Variants in TSTD2 observed in about 807,000 individuals in gnomAD.
TSTD2 encodes thiosulfate sulfurtransferase/rhodanese-like domain-containing protein 2.
A neutral mutation model predicts 47.9 loss-of-function variants in TSTD2; 37 were observed. That is an observed-to-expected ratio of 0.77 (90% CI 0.59 to 1.02). The LOEUF is 1.02. Ranked by LOEUF, TSTD2 falls within the 50% of genes least tolerant of loss-of-function variation. TSTD2 has a pLI of 0.00. For missense variants in TSTD2, 586 were observed against 616.0 expected, an observed-to-expected ratio of 0.95 and a Z score of 0.52; for synonymous variants, 201 against 215.9, an observed-to-expected ratio of 0.93 and a Z score of 0.61.
intron 4 of TSTD2, among the ~76,000 whole-genome samples, chr9:97,615,511 C>T (rs1370658047): frequency 1.3e-5 from 2 of 152,206 alleles, no homozygotes; most frequent in African/African-American, 4.8e-5. Flanking sequence ...AAAGAATACA[C>T]AGCAATAGAG....
rs929853848 is a variant in TSTD2, at chr9:97,605,017, T to C, written c.1114-152A>G. Reference sequence around the variant, plus strand: ...GCTCCTGGCTCCCACTGCGGGACACTGAGGAATTGCTGACCAAGGGGTCAA... The same window carrying C: ...GCTCCTGGCTCCCACTGCGGGACACCGAGGAATTGCTGACCAAGGGGTCAA... On this transcript the variant is annotated intron_variant, in intron 8 of 9. Coordinates refer to ENST00000341170, the MANE Select transcript of TSTD2 (RefSeq NM_139246.5). The C allele has an allele frequency of 4.3e-6, 6 of 1,407,392 alleles. No homozygotes were observed. In the African/African-American group the frequency reaches 5.8e-5, roughly 14 times the overall value. 87.2% of individuals were successfully genotyped at this position (1,407,392 alleles called of 1,614,324 possible). A position where few individuals can be genotyped will look rare whatever the true frequency, so the allele number is the denominator to read the frequency against.
intron 4 of TSTD2, among the ~76,000 whole-genome samples, chr9:97,612,498 A>G (rs1302080005): frequency 6.6e-6 from 1 of 152,172 alleles, no homozygotes; most frequent in African/African-American, 2.4e-5. Context: ...CTACAACCTC[A>G]CCAGCATCTG....
rs552654055 is a variant in TSTD2, at chr9:97,630,578, C to T, written c.-51+2665G>A. ...TTCCTTTGCTGGATCTTCCTTATTA[C>T]CCCAACCTCTAAATGTTGAACCACT... On this transcript the variant is annotated intron_variant, in intron 1 of 9. Transcript: ENST00000341170. 1.1e-3 allele frequency among the ~76,000 whole-genome samples: 173 copies of T among 152,304 alleles called. 13 individuals are homozygous for T. The highest frequency in any genetic ancestry group is 4.0e-4 in the Non-Finnish European group (27 of 68,022).
chr9:97,611,603 TAAAC>T lies in TSTD2; in HGVS notation c.696_699del (p.Phe233ArgfsTer58), dbSNP rs771810243. The T allele has an allele frequency of 2.5e-6, 4 of 1,609,170 alleles. No individual in the cohort carries two copies. The highest frequency in any genetic ancestry group is 4.5e-5 in the East Asian group (2 of 44,686). On this transcript the variant is annotated frameshift_variant, in exon 5 of 10. Coordinates refer to ENST00000341170, the MANE Select transcript of TSTD2 (RefSeq NM_139246.5). LOFTEE classifies it high-confidence loss of function. ...AAATCATCTTTACACAGGTCATCCTTAAACAATGGGAAGGAAAGCATGACTTCCA... is the reference window on the plus strand; with the variant it reads ...AAATCATCTTTACACAGGTCATCCTTAATGGGAAGGAAAGCATGACTTCCA...
At chr9:97,621,825 T>C (rs1286157342) in intron 3 of TSTD2, among the ~76,000 whole-genome samples, 1 of 152,204 alleles carries the variant, frequency 6.6e-6, no homozygotes, top group African/African-American at 2.4e-5. Context: ...CCTGGCCTTG[T>C]GACCTTGCTC....
chr9:97,611,786 A>G (rs1056026204), intron 4 of TSTD2, 87 bp from the exon 5 acceptor site: 36 of 1,401,176 alleles, frequency 2.6e-5, no homozygotes, highest in African/African-American at 2.5e-4. Flanking sequence ...ATGTGTGTCA[A>G]TGAGTTTAAC....
intron 7 of TSTD2, 21 bp from the exon 8 acceptor site, chr9:97,605,662 A>G: frequency 6.2e-7 from 1 of 1,613,958 alleles, no homozygotes; most frequent in Non-Finnish European, 8.5e-7. Flanking sequence ...GGAGCAACAA[A>G]AGGAAAATTA....
chr9:97,610,312 G>C, intron 6 of TSTD2, 34 bp downstream of exon 6: 1 of 1,571,912 alleles, frequency 6.4e-7, no homozygotes, highest in South Asian at 1.1e-5. Context: ...TTGTCCCTGT[G>C]AATTAAAGCA....
chr9:97,632,549 ATTT>A (rs36004486), intron 1 of TSTD2, among the ~76,000 whole-genome samples: 1 of 147,208 alleles, frequency 6.8e-6, no homozygotes, highest in Non-Finnish European at 1.5e-5. Flanking sequence ...GGCTCAGCTA[ATTT>A]TTTTTTTTTT....
chr9:97,609,596 T>C (rs1826424113), intron 6 of TSTD2, among the ~76,000 whole-genome samples: 1 of 152,220 alleles, frequency 6.6e-6, no homozygotes, highest in South Asian at 2.1e-4. Context: ...AACTAGATAT[T>C]TGATAATTTA....
chr9:97,600,252 A>T lies in TSTD2; in HGVS notation c.*2217T>A. On this transcript the variant is annotated 3_prime_UTR_variant, in exon 10 of 10. Transcript: ENST00000341170. ...TTTTCCCCTCAGAACAGATAGACAG[A>T]CTGAAGCCACTGAACTCTGCCAGGA... The T allele has an allele frequency of 1.0e-6, 1 of 987,358 alleles. No individual in the cohort carries two copies. The highest frequency in any genetic ancestry group is 1.2e-6 in the Non-Finnish European group (1 of 830,946). The allele number at this position is 987,358 out of a possible 1,614,324, so 61.2% of individuals were successfully genotyped here. A position where few individuals can be genotyped will look rare whatever the true frequency, so the allele number is the denominator to read the frequency against.
intron 3 of TSTD2, among the ~76,000 whole-genome samples, chr9:97,622,148 A>T (rs1380961527): frequency 6.6e-6 from 1 of 152,162 alleles, no homozygotes; most frequent in African/African-American, 2.4e-5. Flanking sequence ...TAGGAGGAAA[A>T]AATGGTTTCA....
At chr9:97,603,917 C>T (rs1826318990) in intron 9 of TSTD2, among the ~76,000 whole-genome samples, 1 of 152,180 alleles carries the variant, frequency 6.6e-6, no homozygotes, top group Admixed American at 6.5e-5. Context: ...TCTCAAACTC[C>T]AGGGCTCAAG....
intron 1 of TSTD2, among the ~76,000 whole-genome samples, chr9:97,632,374 T>C (rs1353434601): frequency 6.8e-6 from 1 of 146,792 alleles, no homozygotes; most frequent in Non-Finnish European, 1.5e-5. Context: ...TGGAAAGTCG[T>C]AGGAGACTTT....
chr9:97,620,535 T>C (rs902383470), intron 3 of TSTD2, among the ~76,000 whole-genome samples: 1 of 152,208 alleles, frequency 6.6e-6, no homozygotes, highest in Non-Finnish European at 1.5e-5. Context: ...TTTGGAGGGC[T>C]GAGAAGACGA....
chr9:97,602,377 T>G lies in TSTD2; in HGVS notation c.*92A>C. 1 of 1,419,366 alleles carries G rather than the reference T, an allele frequency of 7.0e-7. No individual in the cohort carries two copies. The highest frequency in any genetic ancestry group is 9.3e-7 in the Non-Finnish European group (1 of 1,070,182). 87.9% of individuals were successfully genotyped at this position (1,419,366 alleles called of 1,614,324 possible). A position where few individuals can be genotyped will look rare whatever the true frequency, so the allele number is the denominator to read the frequency against. ...AGCGGCCAGAACTGAAGTTCCCGAT[T>G]TCTCTGTTTCTGCAGTCTTGCCATG... On this transcript the variant is annotated 3_prime_UTR_variant, in exon 10 of 10. Transcript: ENST00000341170.
chr9:97,624,327 G>GT (rs1826685670), intron 3 of TSTD2, among the ~76,000 whole-genome samples: 1 of 151,656 alleles, frequency 6.6e-6, no homozygotes, highest in African/African-American at 2.4e-5. Flanking sequence ...CCTATGAAGA[G>GT]ACCCCCACAG....
chr9:97,609,792 G>C (rs1288919740), intron 6 of TSTD2, among the ~76,000 whole-genome samples: 3 of 152,166 alleles, frequency 2.0e-5, no homozygotes, highest in African/African-American at 7.2e-5. Flanking sequence ...CCATTAATCA[G>C]TTAACTGCTA....
At chr9:97,628,550 A>G (rs1160605233) in intron 1 of TSTD2, among the ~76,000 whole-genome samples, 2 of 152,220 alleles carry the variant, frequency 1.3e-5, no homozygotes, top group Admixed American at 1.3e-4. Context: ...AATATTATTA[A>G]TATTTTAATT....
Sources: gnomAD v4.1 joint callset for allele counts (sites outside exome capture counted in the v4.1 genomes callset) on GRCh38, gnomAD v4.1.1 for gene constraint, MANE v1.5 for transcripts, NCBI Gene and HGNC (gene_info 2026-07-23, HGNC 2026-07-21) for gene names.